SEM1: variants seen among roughly 807,000 people sequenced by gnomAD.
SEM1 encodes 26S proteasome complex subunit SEM1.
In SEM1, 3 loss-of-function variants were observed where a neutral mutation model predicts 12.7. The ratio of observed to expected loss-of-function variants is 0.24; its 90% confidence interval spans 0.11 to 0.61. SEM1 has a LOEUF of 0.61. Ranked by LOEUF, SEM1 falls within the 20% of genes least tolerant of loss-of-function variation. The pLI, the probability that SEM1 is intolerant of heterozygous loss-of-function variation, is 0.88. For synonymous variants in SEM1, 30 were observed against 27.8 expected (o/e 1.08, Z -0.25); for missense variants, 59 against 81.3 (o/e 0.73, Z 1.06).
intron 2 of SEM1, among the ~76,000 whole-genome samples, chr7:96,507,093 T>C (rs897776051): frequency 2.0e-5 from 3 of 152,068 alleles, no homozygotes; most frequent in African/African-American, 7.2e-5. Flanking sequence ...AGAAAAAGTA[T>C]GAAAGCCTCT....
chr7:96,518,245 C>T (rs912742829), intron 2 of SEM1, among the ~76,000 whole-genome samples: 1 of 152,068 alleles, frequency 6.6e-6, no homozygotes, highest in African/African-American at 2.4e-5. Flanking sequence ...TACTCAAATT[C>T]GGGGCTGGAG....
intron 2 of SEM1, among the ~76,000 whole-genome samples, chr7:96,585,349 GA>G (rs1233742601): frequency 6.6e-6 from 1 of 152,208 alleles, no homozygotes; most frequent in Non-Finnish European, 1.5e-5. Flanking sequence ...TTCGTGCTGG[GA>G]GAACCACTGC....
chr7:96,526,797 G>A (rs538619086), intron 2 of SEM1, among the ~76,000 whole-genome samples: 1 of 152,062 alleles, frequency 6.6e-6, no homozygotes, highest in Non-Finnish European at 1.5e-5. Flanking sequence ...TTCTGTGGGA[G>A]GTTAGGACAG....
chr7:96,705,809 G>A (rs1267855344), intron 1 of SEM1, among the ~76,000 whole-genome samples: 1 of 149,222 alleles, frequency 6.7e-6, no homozygotes, highest in Non-Finnish European at 1.5e-5. Context: ...GACAGAGCGA[G>A]ACTCTGTCTC....
chr7:96,506,515 G>A (rs1248502436), intron 3 of SEM1: 1 of 151,860 alleles, frequency 6.6e-6, no homozygotes, highest in African/African-American at 2.4e-5. Context: ...TGTCACCTAA[G>A]GAAACTCCAA....
At chr7:96,553,388 G>T (rs1474855974) in intron 2 of SEM1, among the ~76,000 whole-genome samples, 1 of 150,182 alleles carries the variant, frequency 6.7e-6, no homozygotes, top group Non-Finnish European at 1.5e-5. Flanking sequence ...GTAAGGAAGG[G>T]ATCCAGTTTC....
intron 2 of SEM1, among the ~76,000 whole-genome samples, chr7:96,647,019 ATACTC>A: frequency 6.6e-6 from 1 of 152,330 alleles, no homozygotes; most frequent in South Asian, 2.1e-4. Context: ...AAGTGTGTAA[ATACTC>A]TAAGCATATG....
chr7:96,563,665 T>A (rs1400036429), intron 2 of SEM1, among the ~76,000 whole-genome samples: 1 of 152,114 alleles, frequency 6.6e-6, no homozygotes, highest in Non-Finnish European at 1.5e-5. Flanking sequence ...GAGACAGGAC[T>A]CATTAACATT....
chr7:96,707,590 A>G (rs10242202), intron 1 of SEM1, among the ~76,000 whole-genome samples: 51 of 152,336 alleles, frequency 3.3e-4, no homozygotes, highest in African/African-American at 1.2e-3. Flanking sequence ...ATGTTAATAA[A>G]CAAGTCTGTT....
At chr7:96,527,490 C>A (rs1393747709) in intron 2 of SEM1, among the ~76,000 whole-genome samples, 6 of 152,040 alleles carry the variant, frequency 3.9e-5, no homozygotes, top group Non-Finnish European at 8.8e-5. Flanking sequence ...GTGATTTTAC[C>A]ACTGCAGCCC....
rs144846635 is a variant in SEM1, at chr7:96,491,746, G to T, written c.12+4538C>A. 2.6e-3 allele frequency among the ~76,000 whole-genome samples: 396 copies of T among 152,214 alleles called. 2 individuals carry two copies. The highest frequency in any genetic ancestry group is 9.4e-3 in the African/African-American group (389 of 41,518). On this transcript the variant is annotated intron_variant, in intron 1 of 3. Coordinates refer to the SEM1 transcript ENST00000356686. ...ACCTCTTCTTTGAAGTTATTCTCTG[G>T]CATGCAAGATGCACAGTAATATATC...
intron 2 of SEM1, among the ~76,000 whole-genome samples, chr7:96,689,364 G>C (rs1259844044): frequency 6.6e-6 from 1 of 152,040 alleles, no homozygotes; most frequent in African/African-American, 2.4e-5. Flanking sequence ...CAAACCTTTA[G>C]GGATTTTACA....
chr7:96,513,185 C>G (rs555043394), intron 2 of SEM1, among the ~76,000 whole-genome samples: 3 of 151,974 alleles, frequency 2.0e-5, no homozygotes, highest in Non-Finnish European at 4.4e-5. Context: ...CAGGAGAACA[C>G]CCTGAACAAG....
intron 2 of SEM1, among the ~76,000 whole-genome samples, chr7:96,507,663 C>T (rs1204362039): frequency 6.6e-6 from 1 of 152,126 alleles, no homozygotes; most frequent in Admixed American, 6.6e-5. Flanking sequence ...GATTTACCTT[C>T]TTCATTCCCT....
At chr7:96,631,928 A>G (rs1808274422) in intron 2 of SEM1, among the ~76,000 whole-genome samples, 1 of 152,240 alleles carries the variant, frequency 6.6e-6, no homozygotes, top group African/African-American at 2.4e-5. Flanking sequence ...GAAGACATTT[A>G]TACAGCCAAC....
upstream of SEM1, among the ~76,000 whole-genome samples, chr7:96,500,288 C>T (rs1005391640): frequency 5.3e-5 from 8 of 151,802 alleles, no homozygotes; most frequent in East Asian, 1.9e-4. Flanking sequence ...GTGGCCGCAT[C>T]GAAGGCAGGT....
intron 2 of SEM1, among the ~76,000 whole-genome samples, chr7:96,667,674 G>A (rs1163737200): frequency 6.6e-6 from 1 of 152,192 alleles, no homozygotes. Context: ...GGAAGCAGAA[G>A]AATCTTCCAA....
At chr7:96,662,009 A>AAAAAAAAAT (rs1554431166) in intron 2 of SEM1, among the ~76,000 whole-genome samples, 1 of 140,460 alleles carries the variant, frequency 7.1e-6, no homozygotes, top group Non-Finnish European at 1.5e-5. Flanking sequence ...AAAAAAAAAA[A>AAAAAAAAAT]AGTCAGCAAA....
intron 1 of SEM1, among the ~76,000 whole-genome samples, chr7:96,493,286 A>T (rs537191295): frequency 6.6e-6 from 1 of 152,184 alleles, no homozygotes; most frequent in Non-Finnish European, 1.5e-5. Flanking sequence ...TAAAAATGTT[A>T]ATTGAAGCTA....
Sources: gnomAD v4.1 joint callset for allele counts (sites outside exome capture counted in the v4.1 genomes callset) on GRCh38, gnomAD v4.1.1 for gene constraint, MANE v1.5 for transcripts, NCBI Gene and HGNC (gene_info 2026-07-23, HGNC 2026-07-21) for gene names.